PITPNC1: variants seen among roughly 807,000 people sequenced by gnomAD.
PITPNC1 encodes phosphatidylinositol transfer protein cytoplasmic 1.
PITPNC1 carries 18 observed loss-of-function variants against 44.7 expected under a neutral mutation model. The ratio of observed to expected loss-of-function variants is 0.40; its 90% CI spans 0.28 to 0.60. The LOEUF (loss-of-function observed/expected upper bound fraction) is 0.60. PITPNC1 is among the 20% of genes least tolerant of loss of function. The pLI is 0.39. For missense variants in PITPNC1, 290 were observed against 418.4 expected, an observed-to-expected ratio of 0.69 and a Z score of 2.68; for synonymous variants, 141 against 149.6, an observed-to-expected ratio of 0.94 and a Z score of 0.42.
intron 1 of PITPNC1, among the ~76,000 whole-genome samples, chr17:67,470,576 T>TG (rs149004177): frequency 0.31 from 46,475 of 151,198 alleles, 7,250 homozygotes; most frequent in Middle Eastern, 0.37. Flanking sequence ...GGGAGGGAGG[T>TG]GGGGGGGGTC....
chr17:67,603,942 T>TAAAA (rs552519264), intron 5 of PITPNC1, among the ~76,000 whole-genome samples: 1 of 135,332 alleles, frequency 7.4e-6, no homozygotes. Flanking sequence ...CTCATAGATT[T>TAAAA]AAAAAAAAAA....
chr17:67,633,050 T>G (rs1252878375), intron 6 of PITPNC1, among the ~76,000 whole-genome samples: 2 of 152,232 alleles, frequency 1.3e-5, no homozygotes, highest in Non-Finnish European at 2.9e-5. Context: ...AGTTCTACCT[T>G]CTTGTTATAC....
intron 5 of PITPNC1, among the ~76,000 whole-genome samples, chr17:67,590,940 C>T (rs572812847): frequency 4.1e-5 from 6 of 147,696 alleles, no homozygotes; most frequent in African/African-American, 1.0e-4. Flanking sequence ...GCAACAAGAG[C>T]GAAACTCTGT....
chr17:67,630,507 T>A (rs2041952048), intron 5 of PITPNC1, among the ~76,000 whole-genome samples: 1 of 152,052 alleles, frequency 6.6e-6, no homozygotes, highest in South Asian at 2.1e-4. Flanking sequence ...TAGTCCCAGC[T>A]ACTCAGGAGG....
At chr17:67,592,230 T>C (rs2144258380) in intron 5 of PITPNC1, among the ~76,000 whole-genome samples, 1 of 152,260 alleles carries the variant, frequency 6.6e-6, no homozygotes, top group Admixed American at 6.5e-5. Flanking sequence ...CAAATATCAA[T>C]GATATTCCAT....
At chr17:67,631,647 A>ATATAT (rs1172723407) in intron 5 of PITPNC1, among the ~76,000 whole-genome samples, 12 of 8,808 alleles carry the variant, frequency 1.4e-3, no homozygotes, top group Admixed American at 3.4e-3. Flanking sequence ...AAAAAAAAAA[A>ATATAT]AAAAAAAAAA....
intron 8 of PITPNC1, among the ~76,000 whole-genome samples, chr17:67,689,516 G>A (rs984802303): frequency 1.3e-5 from 2 of 152,180 alleles, no homozygotes; most frequent in Admixed American, 1.3e-4. Context: ...TGAAAATCAG[G>A]AGGTGGCTCT....
chr17:67,541,107 C>T (rs987215493), intron 2 of PITPNC1, among the ~76,000 whole-genome samples: 18 of 152,034 alleles, frequency 1.2e-4, no homozygotes, highest in East Asian at 3.9e-4. Flanking sequence ...CCCAGCTACT[C>T]GGGAGGCTGA....
At chr17:67,495,293 C>A (rs1018439362) in intron 1 of PITPNC1, among the ~76,000 whole-genome samples, 1 of 151,922 alleles carries the variant, frequency 6.6e-6, no homozygotes, top group Non-Finnish European at 1.5e-5. Context: ...CTCCTTACCT[C>A]ATGATCCGTC....
chr17:67,635,347 G>A (rs547104093), intron 6 of PITPNC1, among the ~76,000 whole-genome samples: 1 of 152,284 alleles, frequency 6.6e-6, no homozygotes, highest in South Asian at 2.1e-4. Context: ...TGGATGTGGG[G>A]ATGAGGTTGA....
chr17:67,652,147 G>A (rs141204364), intron 6 of PITPNC1, among the ~76,000 whole-genome samples: 54 of 152,282 alleles, frequency 3.5e-4, no homozygotes, highest in African/African-American at 1.1e-3. Flanking sequence ...AGCCCCTGTT[G>A]GCTATTGCCC....
intron 1 of PITPNC1, among the ~76,000 whole-genome samples, chr17:67,416,761 A>G (rs1031733677): frequency 1.3e-5 from 2 of 152,172 alleles, no homozygotes; most frequent in African/African-American, 4.8e-5. Context: ...TATATCAACA[A>G]TCAGTGCCCT....
At chr17:67,643,290 GC>G (rs2042110576) in intron 6 of PITPNC1, among the ~76,000 whole-genome samples, 1 of 152,214 alleles carries the variant, frequency 6.6e-6, no homozygotes, top group African/African-American at 2.4e-5. Context: ...GGAGGCTGAG[GC>G]ACGAGAATTG....
intron 5 of PITPNC1, among the ~76,000 whole-genome samples, chr17:67,614,695 AAAAT>A (rs2041735447): frequency 6.6e-6 from 1 of 150,468 alleles, no homozygotes; most frequent in Non-Finnish European, 1.5e-5. Context: ...ATAAATATAT[AAAAT>A]AAATAAAAAT....
intron 1 of PITPNC1, among the ~76,000 whole-genome samples, chr17:67,394,667 G>T (rs1406011469): frequency 1.3e-5 from 2 of 152,130 alleles, no homozygotes; most frequent in African/African-American, 2.4e-5. Flanking sequence ...ACTTTGGGAG[G>T]CCGAGGCGGG....
intron 8 of PITPNC1, among the ~76,000 whole-genome samples, chr17:67,675,952 A>G (rs1280761167): frequency 6.6e-6 from 1 of 152,180 alleles, no homozygotes; most frequent in African/African-American, 2.4e-5. Flanking sequence ...CACGCCTGTA[A>G]TCCCAGCACT....
chr17:67,399,005 C>A (rs2038264453), intron 1 of PITPNC1, among the ~76,000 whole-genome samples: 3 of 138,562 alleles, frequency 2.2e-5, no homozygotes, highest in South Asian at 4.6e-4. Context: ...GTAAGAGGAT[C>A]AGCTTTTTTT....
chr17:67,608,008 G>A (rs2041631261), intron 5 of PITPNC1, among the ~76,000 whole-genome samples: 1 of 151,850 alleles, frequency 6.6e-6, no homozygotes, highest in Non-Finnish European at 1.5e-5. Flanking sequence ...GGGATTACAG[G>A]CATGAGCCAC....
chr17:67,565,254 C>T (rs143476440), intron 4 of PITPNC1, among the ~76,000 whole-genome samples: 1,616 of 149,500 alleles, frequency 0.011, 25 homozygotes, highest in African/African-American at 0.038. Context: ...CCATGGTTTT[C>T]GGTGTGTATA....
Sources: allele counts gnomAD v4.1 joint callset (sites outside exome capture counted in the v4.1 genomes callset), GRCh38; gene constraint gnomAD v4.1.1; transcripts MANE v1.5; gene names NCBI Gene and HGNC (gene_info 2026-07-23, HGNC 2026-07-21).